Variants in ABCA13 observed in about 807,000 individuals in gnomAD.
The protein encoded by ABCA13 is ATP binding cassette subfamily A member 13, also known as ATP-binding cassette sub-family A member 13.
A neutral mutation model predicts 478.7 loss-of-function variants in ABCA13; 476 were observed. The ratio of observed to expected loss-of-function variants is 0.99; its 90% CI spans 0.92 to 1.07. The LOEUF (loss-of-function observed/expected upper bound fraction) is 1.07, where lower values mean the gene tolerates loss of function less well. ABCA13 is among the 50% of genes least tolerant of loss of function. ABCA13 has a pLI of 0.00. For synonymous variants in ABCA13, 2,252 were observed against 2,158.9 expected (o/e 1.04, Z -1.20); for missense variants, 6,060 against 5,910.6 (o/e 1.03, Z -0.83).
At chr7:48,335,058 T>C (rs952139112) in intron 27 of ABCA13, among the ~76,000 whole-genome samples, 1 of 152,208 alleles carries the variant, frequency 6.6e-6, no homozygotes, top group Non-Finnish European at 1.5e-5. Flanking sequence ...TAGTGTTGGG[T>C]ACCATTAAAC....
At chr7:48,540,070 C>G (rs965839850) in intron 55 of ABCA13, among the ~76,000 whole-genome samples, 1 of 152,060 alleles carries the variant, frequency 6.6e-6, no homozygotes, top group Non-Finnish European at 1.5e-5. Context: ...ATACTACTTA[C>G]TCTGAAAGGA....
At chr7:48,624,532 C>CGTTGTT (rs56071738) in intron 59 of ABCA13, among the ~76,000 whole-genome samples, 21 of 150,336 alleles carry the variant, frequency 1.4e-4, no homozygotes, top group Non-Finnish European at 2.5e-4. Context: ...ATTTTGTTGT[C>CGTTGTT]GTTGTTGTTG....
At chr7:48,331,315 A>G (rs1335342639) in intron 27 of ABCA13, among the ~76,000 whole-genome samples, 1 of 152,216 alleles carries the variant, frequency 6.6e-6, no homozygotes, top group Non-Finnish European at 1.5e-5. Context: ...TGGAAATAAG[A>G]CTTTAATCAC....
rs1792891030 is a variant in ABCA13, at chr7:48,619,248, C to T, written c.14837+3871C>T. Among the ~76,000 whole-genome samples the T allele has an allele frequency of 2.6e-5, 4 of 152,126 alleles. No homozygotes were observed. The South Asian group carries it at 8.3e-4, about 32-fold the overall frequency. ...ATAGAGTTGTATTAAAAAGCAAGTTCCTTGGACCCCTGATCTATGGATAAC... is the reference window on the plus strand; with the variant it reads ...ATAGAGTTGTATTAAAAAGCAAGTTTCTTGGACCCCTGATCTATGGATAAC... On this transcript the variant is annotated intron_variant, in intron 59 of 61. Coordinates refer to ENST00000435803, the MANE Select transcript of ABCA13 (RefSeq NM_152701.5).
intron 16 of ABCA13, among the ~76,000 whole-genome samples, chr7:48,270,705 G>A (rs1795481493): frequency 6.6e-6 from 1 of 152,092 alleles, no homozygotes; most frequent in Admixed American, 6.6e-5. Context: ...AGCTATCAGG[G>A]AAGTAAACAG....
chr7:48,521,944 T>A (rs1167930141), intron 53 of ABCA13, among the ~76,000 whole-genome samples: 1 of 136,250 alleles, frequency 7.3e-6, no homozygotes, highest in African/African-American at 2.8e-5. Flanking sequence ...CCACTAATCA[T>A]TGTTTGAAAG....
rs1171727688 is a variant in ABCA13, at chr7:48,352,340, C to T, written c.10541C>T (p.Pro3514Leu). Residue 3514 changes from proline (P) to leucine (L), a missense_variant, in exon 31 of 62, where the codon CCA becomes CTA. Transcript: ENST00000435803. The stretch of plus-strand genomic sequence containing the variant: ...TGGAAGTTCCACCCTCAGAATCTAC[C>T]AGCTGATGGGTTCAAATATAACTAC... ...PSWKFHPQNL[P>L]ADGFKYNYVF... The T allele has an allele frequency of 6.8e-6, 11 of 1,613,732 alleles. No homozygotes were observed. In the East Asian group the frequency reaches 2.5e-4, roughly 36 times the overall value.
At chr7:48,257,545 A>C (rs1793578395) in intron 15 of ABCA13, among the ~76,000 whole-genome samples, 1 of 152,214 alleles carries the variant, frequency 6.6e-6, no homozygotes, top group Admixed American at 6.5e-5. Flanking sequence ...CCTTTTCTGC[A>C]TCTATTGAGA....
At chr7:48,500,887 C>A (rs1830681368) in intron 48 of ABCA13, among the ~76,000 whole-genome samples, 1 of 152,204 alleles carries the variant, frequency 6.6e-6, no homozygotes, top group Non-Finnish European at 1.5e-5. Context: ...TTACACAGGA[C>A]ATAGTCCTGT....
intron 55 of ABCA13, among the ~76,000 whole-genome samples, chr7:48,573,325 TTTATTTG>T (rs1317424894): frequency 6.9e-6 from 1 of 145,974 alleles, no homozygotes; most frequent in Non-Finnish European, 1.5e-5. Context: ...TTATTTTTAT[TTTATTTG>T]TTTTTTATCT....
chr7:48,381,323 G>A (rs1272466981), intron 35 of ABCA13, among the ~76,000 whole-genome samples: 1 of 151,932 alleles, frequency 6.6e-6, no homozygotes, highest in Non-Finnish European at 1.5e-5. Flanking sequence ...GAGGCAGGAG[G>A]CAGGTGAGAA....
intron 42 of ABCA13, among the ~76,000 whole-genome samples, chr7:48,452,600 T>C (rs1308047238): frequency 6.6e-6 from 1 of 152,228 alleles, no homozygotes; most frequent in African/African-American, 2.4e-5. Flanking sequence ...GCCATTTCCC[T>C]GCTGTACACA....
chr7:48,559,611 A>T (rs965389332), intron 55 of ABCA13, among the ~76,000 whole-genome samples: 1 of 152,122 alleles, frequency 6.6e-6, no homozygotes, highest in Non-Finnish European at 1.5e-5. Context: ...AGATTATTTT[A>T]TCATAGCCAC....
Position 48,357,926 on chromosome 7 carries a change from A to T in ABCA13, c.10688+5439A>T, listed in dbSNP as rs186428960. ...TGGGAGGCCGAGGCGGGCAGATCAC[A>T]AGGTCAGGAATTCGAGACCAGCCTG... is the stretch of plus-strand genomic sequence containing the variant. On this transcript the variant is annotated intron_variant, in intron 31 of 61. Transcript: ENST00000435803. Among the ~76,000 whole-genome samples the T allele has an allele frequency of 1.1e-4, 17 of 151,606 alleles. 2 individuals carry two copies. The highest frequency in any genetic ancestry group is 4.1e-4 in the African/African-American group (17 of 41,152).
chr7:48,291,837 C>T (rs1170490269), intron 20 of ABCA13, among the ~76,000 whole-genome samples: 2 of 152,168 alleles, frequency 1.3e-5, no homozygotes, highest in African/African-American at 2.4e-5. Flanking sequence ...TCCTCACCTC[C>T]GGCTTCTGAG....
intron 59 of ABCA13, among the ~76,000 whole-genome samples, chr7:48,631,951 G>A (rs1794202822): frequency 6.6e-6 from 1 of 152,080 alleles, no homozygotes; most frequent in African/African-American, 2.4e-5. Context: ...TTGAGTTCTT[G>A]ATTTGATTCT....
At chr7:48,225,152 C>CTTTG (rs1788013198) in intron 5 of ABCA13, among the ~76,000 whole-genome samples, 1 of 143,594 alleles carries the variant, frequency 7.0e-6, no homozygotes, top group African/African-American at 2.6e-5. Flanking sequence ...TTCCTTCCTT[C>CTTTG]CTTCCTTCCT....
intron 31 of ABCA13, among the ~76,000 whole-genome samples, chr7:48,364,171 A>G (rs1163908151): frequency 1.3e-5 from 2 of 152,132 alleles, no homozygotes; most frequent in African/African-American, 4.8e-5. Context: ...TGCCACAAAG[A>G]TAGAGTGCTT....
chr7:48,284,959 A>G (rs1045064566), intron 19 of ABCA13, among the ~76,000 whole-genome samples: 3 of 152,188 alleles, frequency 2.0e-5, no homozygotes, highest in African/African-American at 7.2e-5. Flanking sequence ...AAAATGCACT[A>G]TATTTTCGTC....
Sources: allele counts gnomAD v4.1 joint callset (sites outside exome capture counted in the v4.1 genomes callset), GRCh38; gene constraint gnomAD v4.1.1; transcripts MANE v1.5; gene names NCBI Gene and HGNC (gene_info 2026-07-23, HGNC 2026-07-21).